The following MAPRE1 variants were observed in gnomAD, a reference collection of about 807,000 sequenced individuals.
MAPRE1 encodes microtubule associated protein RP/EB family member 1, also known as microtubule-associated protein RP/EB family member 1.
MAPRE1 carries 5 observed loss-of-function variants against 32.1 expected under a neutral mutation model. That is an observed-to-expected ratio of 0.16 (90% CI 0.08 to 0.33). The LOEUF is 0.33. MAPRE1 is among the 10% of genes least tolerant of loss of function. The pLI is 1.00. For synonymous variants in MAPRE1, 122 were observed against 118.9 expected, an observed-to-expected ratio of 1.03 and a Z score of -0.17; for missense variants, 209 against 327.2, an observed-to-expected ratio of 0.64 and a Z score of 2.79.
intron 1 of MAPRE1, among the ~76,000 whole-genome samples, chr20:32,821,608 G>C (rs942582235): frequency 2.0e-5 from 3 of 152,196 alleles, no homozygotes; most frequent in African/African-American, 7.2e-5. Context: ...CCACCACTTT[G>C]TGCAGAGATA....
rs71190879 is a variant in MAPRE1 at position 32,835,364 on chromosome 20, G to GTTTTTTTTT, written c.268-1262_268-1254dup. On this transcript the variant is annotated intron_variant, in intron 3 of 6. Transcript: ENST00000375571. ...TTTTTGTGTGTGTGTTTTTATTGGTGTTTTTTTTTTTTTTTTGAGATGAGG... is the reference window on the plus strand; with the variant it reads ...TTTTTGTGTGTGTGTTTTTATTGGTGTTTTTTTTTTTTTTTTTTTTTTTTTGAGATGAGG... Among the ~76,000 whole-genome samples the GTTTTTTTTT allele has an allele frequency of 4.6e-3, 487 of 106,560 alleles. 62 individuals carry two copies. Among genetic ancestry groups the GTTTTTTTTT allele is most frequent in the South Asian group, 0.027 (86 of 3,152 alleles). 69.9% of individuals were successfully genotyped at this position (106,560 alleles called of 152,430 possible).
intron 4 of MAPRE1, among the ~76,000 whole-genome samples, chr20:32,838,618 T>G (rs1171923581): frequency 2.0e-5 from 3 of 152,240 alleles, no homozygotes; most frequent in Admixed American, 2.0e-4. Flanking sequence ...TACATTCCCA[T>G]CAGCAGGGTT....
chr20:32,840,741 T>C (rs1414667867), intron 5 of MAPRE1, among the ~76,000 whole-genome samples: 1 of 152,226 alleles, frequency 6.6e-6, no homozygotes, highest in Non-Finnish European at 1.5e-5. Flanking sequence ...GCAGAACCTC[T>C]CATGACCCAC....
At chr20:32,848,160 G>A (rs545901718) in intron 6 of MAPRE1, among the ~76,000 whole-genome samples, 1 of 151,470 alleles carries the variant, frequency 6.6e-6, no homozygotes, top group African/African-American at 2.4e-5. Context: ...GTCCTGCCTC[G>A]ACCCCGCTGG....
At chr20:32,842,385 A>G (rs709047) in intron 5 of MAPRE1, among the ~76,000 whole-genome samples, 104,666 of 152,210 alleles carry the variant, frequency 0.69, 38,117 homozygotes, top group East Asian at 1. Context: ...GTGCCCAGCC[A>G]TAGCTAACAT....
intron 2 of MAPRE1, among the ~76,000 whole-genome samples, chr20:32,827,894 C>CA (rs397864779): frequency 0.37 from 48,720 of 131,672 alleles, 8,710 homozygotes; most frequent in East Asian, 0.65. Flanking sequence ...GGCTCTGTCT[C>CA]AAAAAAAAAA....
intron 3 of MAPRE1, among the ~76,000 whole-genome samples, chr20:32,834,647 T>C (rs1003275324): frequency 6.6e-6 from 1 of 152,158 alleles, no homozygotes; most frequent in East Asian, 1.9e-4. Flanking sequence ...ATTTTAGTTT[T>C]GTCTCTACAA....
intron 2 of MAPRE1, among the ~76,000 whole-genome samples, chr20:32,830,742 T>TC (rs1982994202): frequency 6.6e-6 from 1 of 151,092 alleles, no homozygotes. Flanking sequence ...CTTCAAACTT[T>TC]TTTTTTTTTT....
chr20:32,843,916 T>C (rs989867256), intron 5 of MAPRE1, among the ~76,000 whole-genome samples: 1 of 151,716 alleles, frequency 6.6e-6, no homozygotes, highest in African/African-American at 2.4e-5. Flanking sequence ...TGCAGTGGCG[T>C]GAGCTCAGCT....
At chr20:32,825,077 G>C (rs1982803134) in intron 1 of MAPRE1, among the ~76,000 whole-genome samples, 1 of 151,590 alleles carries the variant, frequency 6.6e-6, no homozygotes, top group Non-Finnish European at 1.5e-5. Flanking sequence ...ACTTGAACCT[G>C]GGAGGCGGAG....
chr20:32,820,208 C>T (rs1364752094), intron 1 of MAPRE1, among the ~76,000 whole-genome samples, 180 bp downstream of exon 1: 2 of 135,688 alleles, frequency 1.5e-5, no homozygotes, highest in Admixed American at 1.6e-4. Context: ...GGCCTGGGGG[C>T]GCGCGCTGCG....
chr20:32,837,416 G>T (rs187791929), intron 4 of MAPRE1, among the ~76,000 whole-genome samples: 1 of 152,312 alleles, frequency 6.6e-6, no homozygotes, highest in Non-Finnish European at 1.5e-5. Context: ...GTCAGGGGCG[G>T]GGGTAGGGGA....
intron 1 of MAPRE1, among the ~76,000 whole-genome samples, chr20:32,821,293 G>A (rs1982694873): frequency 6.6e-6 from 1 of 152,208 alleles, no homozygotes. Flanking sequence ...TGGGATTACA[G>A]GTGTGAGCCA....
intron 2 of MAPRE1, 131 bp downstream of exon 2, chr20:32,826,179 T>C: frequency 1.5e-6 from 1 of 651,898 alleles, no homozygotes; most frequent in Non-Finnish European, 2.4e-6. Context: ...TGTTTCTTCC[T>C]CTCAGCCCTG....
At chr20:32,821,088 T>G (rs1226538307) in intron 1 of MAPRE1, among the ~76,000 whole-genome samples, 1 of 151,040 alleles carries the variant, frequency 6.6e-6, no homozygotes, top group Non-Finnish European at 1.5e-5. Flanking sequence ...GCACCATCGC[T>G]CACTGCAACC....
intron 4 of MAPRE1, among the ~76,000 whole-genome samples, 199 bp from the exon 5 acceptor site, chr20:32,839,536 C>T (rs2235760): frequency 0.24 from 36,421 of 152,080 alleles, 5,086 homozygotes; most frequent in African/African-American, 0.38. Context: ...TGGTACTTAA[C>T]TCTGCTGCCA....
chr20:32,844,138 GCCA>G (rs1452576672), intron 5 of MAPRE1, among the ~76,000 whole-genome samples: 5 of 152,186 alleles, frequency 3.3e-5, no homozygotes, highest in Admixed American at 3.3e-4. Context: ...ACAGATGTGA[GCCA>G]CTGCACCTGG....
At chr20:32,822,110 C>T (rs1601157385) in intron 1 of MAPRE1, among the ~76,000 whole-genome samples, 1 of 152,244 alleles carries the variant, frequency 6.6e-6, no homozygotes, top group East Asian at 1.9e-4. Context: ...TATTAATGTA[C>T]TGCTAATGAA....
intron 5 of MAPRE1, among the ~76,000 whole-genome samples, 171 bp from the exon 6 acceptor site, chr20:32,846,447 A>G (rs1269760458): frequency 6.6e-6 from 1 of 152,258 alleles, no homozygotes; most frequent in Non-Finnish European, 1.5e-5. Flanking sequence ...TGCTATAAAC[A>G]AATCCATGTT....
Sources: gnomAD v4.1 joint callset for allele counts (sites outside exome capture counted in the v4.1 genomes callset) on GRCh38, gnomAD v4.1.1 for gene constraint, MANE v1.5 for transcripts, NCBI Gene and HGNC (gene_info 2026-07-23, HGNC 2026-07-21) for gene names.